The following TRPM3 variants were observed in gnomAD, a reference collection of about 807,000 sequenced individuals.
TRPM3 encodes the protein transient receptor potential cation channel subfamily M member 3.
Under a neutral mutation model 181.2 loss-of-function variants are expected in TRPM3, and 77 were observed. The ratio of observed to expected loss-of-function variants is 0.42; its 90% CI spans 0.35 to 0.51. The LOEUF (loss-of-function observed/expected upper bound fraction) is 0.51, where lower values mean the gene tolerates loss of function less well. Among genes scored for constraint, TRPM3 ranks in the 20% least tolerant of loss-of-function variants. The pLI is 0.01. For synonymous variants in TRPM3, 745 were observed against 796.4 expected (o/e 0.94, Z 1.09); for missense variants, 1,759 against 2,196.7 (o/e 0.80, Z 3.98).
intron 1 of TRPM3, among the ~76,000 whole-genome samples, chr9:71,015,324 A>G (rs1349380251): frequency 2.6e-5 from 4 of 152,218 alleles, no homozygotes; most frequent in South Asian, 4.1e-4. Context: ...TAGCTACTCA[A>G]AAGAGAATTT....
At chr9:71,259,058 C>T (rs984453698) in intron 1 of TRPM3, among the ~76,000 whole-genome samples, 12 of 152,128 alleles carry the variant, frequency 7.9e-5, no homozygotes, top group Middle Eastern at 6.8e-3. Flanking sequence ...CCCCATCCCC[C>T]GACAGGCCCC....
At position 70,536,978 on chromosome 9, in the gene TRPM3, C is replaced by A. The variant is rs369084766; in HGVS notation, c.4135G>T (p.Ala1379Ser). The change falls in exon 26 of 26, where the codon GCT (alanine) becomes TCT (serine). Residue 1379 changes from alanine to serine, a missense_variant. Physicochemically the swap from Ala to Ser is moderately conservative, Grantham distance 99. Transcript: ENST00000677713. ...TTTGCTACAGAGTGGGAACTAGTAG[C>A]CCGGTGTAGGCTCAGGGACCTTTCT... ...FKERSLSLHRATSSHSVAKEP... is the reference protein window; with the variant it reads ...FKERSLSLHRSTSSHSVAKEP... 4 of 1,613,234 alleles carry A rather than the reference C, an allele frequency of 2.5e-6. No individual in the cohort carries two copies. The African/African-American group carries it at 5.3e-5, about 22-fold the overall frequency.
At chr9:71,059,010 C>CA (rs2060987212) in intron 1 of TRPM3, among the ~76,000 whole-genome samples, 1 of 15,932 alleles carries the variant, frequency 6.3e-5, no homozygotes, top group African/African-American at 2.4e-4. Context: ...TTTGTTTGTT[C>CA]ATTTTTTTTT....
intron 8 of TRPM3, among the ~76,000 whole-genome samples, chr9:70,747,057 T>C (rs2075282288): frequency 6.6e-6 from 1 of 152,214 alleles, no homozygotes; most frequent in Admixed American, 6.5e-5. Flanking sequence ...TATATACATC[T>C]GAATTCATTC....
At chr9:71,205,202 TTAAA>T (rs1330096339) in intron 1 of TRPM3, among the ~76,000 whole-genome samples, 4 of 151,160 alleles carry the variant, frequency 2.6e-5, no homozygotes, top group Admixed American at 2.0e-4. Flanking sequence ...ACCCTAAAAC[TTAAA>T]TAAAAAAAAG....
At chr9:70,920,535 AT>A (rs1336468476) in intron 1 of TRPM3, among the ~76,000 whole-genome samples, 2 of 152,206 alleles carry the variant, frequency 1.3e-5, no homozygotes, top group East Asian at 3.8e-4. Flanking sequence ...AAAATAACAG[AT>A]TTTGGTCACT....
At position 71,438,024 on chromosome 9, in the gene TRPM3, C is replaced by T. The variant is rs565944090; in HGVS notation, c.183+8629G>A. 3.8e-4 allele frequency among the ~76,000 whole-genome samples: 58 copies of T among 152,022 alleles called. 1 individual carries two copies. The highest frequency in any genetic ancestry group is 6.9e-4 in the Non-Finnish European group (47 of 68,012). On this transcript the variant is annotated intron_variant, in intron 1 of 24. Coordinates refer to the TRPM3 transcript ENST00000357533. ...ACATATGAAGTATTGTTGCCAAAAA[C>T]TCAAATTAAAACTGATCTAGGCACC...
intron 7 of TRPM3, chr9:70,775,453 G>A (rs1174140627): frequency 6.6e-6 from 1 of 152,330 alleles, no homozygotes; most frequent in Non-Finnish European, 1.5e-5. Flanking sequence ...GGTTTGTTGA[G>A]TGAGAGCTGG....
chr9:71,233,341 C>T (rs533979298), intron 1 of TRPM3, among the ~76,000 whole-genome samples: 9 of 152,210 alleles, frequency 5.9e-5, no homozygotes, highest in Admixed American at 2.0e-4. Flanking sequence ...CTCCAAATTA[C>T]GATTCAAAAA....
chr9:70,906,055 T>C (rs902134045), intron 1 of TRPM3, among the ~76,000 whole-genome samples: 3 of 152,160 alleles, frequency 2.0e-5, no homozygotes, highest in African/African-American at 4.8e-5. Context: ...TCCTGACTTT[T>C]CTGTTCTCAA....
At chr9:71,318,869 T>G (rs1323236822) in intron 1 of TRPM3, among the ~76,000 whole-genome samples, 1 of 152,100 alleles carries the variant, frequency 6.6e-6, no homozygotes, top group Non-Finnish European at 1.5e-5. Context: ...AACGAACATT[T>G]GCATTGCCCC....
intron 1 of TRPM3, among the ~76,000 whole-genome samples, chr9:71,360,179 G>T (rs2092084124): frequency 6.6e-6 from 1 of 152,038 alleles, no homozygotes; most frequent in Non-Finnish European, 1.5e-5. Flanking sequence ...TAATCTCAAA[G>T]CTCCTACTGG....
At chr9:71,336,458 C>A (rs1193820615) in intron 1 of TRPM3, among the ~76,000 whole-genome samples, 2 of 152,202 alleles carry the variant, frequency 1.3e-5, no homozygotes, top group East Asian at 1.9e-4. Flanking sequence ...AGAGAGGACA[C>A]AAACAAATGG....
At chr9:71,240,852 C>A (rs950413553) in intron 1 of TRPM3, among the ~76,000 whole-genome samples, 2 of 152,118 alleles carry the variant, frequency 1.3e-5, no homozygotes, top group Non-Finnish European at 2.9e-5. Context: ...AGAGTAGTAT[C>A]TAGGTCATGC....
chr9:71,045,100 A>G (rs78815614), intron 1 of TRPM3, among the ~76,000 whole-genome samples: 3,042 of 146,684 alleles, frequency 0.021, 41 homozygotes, highest in Non-Finnish European at 0.031. Context: ...ATTTATTATT[A>G]TTATTATTAT....
At chr9:70,853,584 A>T (rs1327104836) in intron 3 of TRPM3, among the ~76,000 whole-genome samples, 3 of 152,210 alleles carry the variant, frequency 2.0e-5, no homozygotes, top group Non-Finnish European at 2.9e-5. Context: ...GGCCACAATA[A>T]ATATGAAAAT....
At chr9:70,979,285 A>G (rs955990529) in intron 1 of TRPM3, among the ~76,000 whole-genome samples, 4 of 152,150 alleles carry the variant, frequency 2.6e-5, no homozygotes, top group Non-Finnish European at 5.9e-5. Flanking sequence ...TCATTCATTT[A>G]TCAGATATTT....
At position 70,897,759 on chromosome 9, in the gene TRPM3, C is replaced by T. The variant is rs140437849; in HGVS notation, c.178-33248G>A. ...AATGGCTTCTAAATTATGCTGATAACCTATTAGTTGGTGCAAAAATAATTA... is the reference window on the plus strand; with the variant it reads ...AATGGCTTCTAAATTATGCTGATAATCTATTAGTTGGTGCAAAAATAATTA... On this transcript the variant is annotated intron_variant, in intron 1 of 25. Coordinates refer to ENST00000677713, the MANE Select transcript of TRPM3 (RefSeq NM_001366145.2). 2.4e-3 allele frequency among the ~76,000 whole-genome samples: 366 copies of T among 152,168 alleles called. 4 individuals carry two copies. The highest frequency in any genetic ancestry group is 8.6e-3 in the African/African-American group (356 of 41,500).
intron 1 of TRPM3, among the ~76,000 whole-genome samples, chr9:71,181,955 G>A (rs2077428894): frequency 6.6e-6 from 1 of 152,080 alleles, no homozygotes; most frequent in African/African-American, 2.4e-5. Context: ...GAATCACCAG[G>A]AGGGCCTGGG....
Sources: gnomAD v4.1 joint callset for allele counts (sites outside exome capture counted in the v4.1 genomes callset) on GRCh38, gnomAD v4.1.1 for gene constraint, MANE v1.5 for transcripts, NCBI Gene and HGNC (gene_info 2026-07-23, HGNC 2026-07-21) for gene names.